The following LHFPL6 variants were observed in gnomAD, a reference collection of about 807,000 sequenced individuals.
LHFPL6 encodes the protein LHFPL tetraspan subfamily member 6.
In LHFPL6, 9 loss-of-function variants were observed where a neutral mutation model predicts 20.6. The observed-to-expected ratio is 0.44, with a 90% CI of 0.26 to 0.76. The LOEUF is 0.76. Among genes scored for constraint, LHFPL6 ranks in the 30% least tolerant of loss-of-function variants. The pLI is 0.20. For synonymous variants in LHFPL6, 105 were observed against 98.7 expected, an observed-to-expected ratio of 1.06 and a Z score of -0.38; for missense variants, 218 against 253.5, an observed-to-expected ratio of 0.86 and a Z score of 0.95.
At chr13:39,547,642 T>C (rs1286303516) in intron 2 of LHFPL6, among the ~76,000 whole-genome samples, 2 of 152,174 alleles carry the variant, frequency 1.3e-5, no homozygotes, top group African/African-American at 4.8e-5. Context: ...TTGAGGATTC[T>C]GTGCTGCATG....
chr13:39,520,100 T>G (rs113221628), intron 2 of LHFPL6, among the ~76,000 whole-genome samples: 6 of 152,294 alleles, frequency 3.9e-5, no homozygotes, highest in African/African-American at 1.4e-4. Flanking sequence ...AGCAGCCTGG[T>G]CTTCAGAATC....
chr13:39,456,944 G>A (rs936559684), intron 2 of LHFPL6, among the ~76,000 whole-genome samples: 1 of 152,010 alleles, frequency 6.6e-6, no homozygotes, highest in Non-Finnish European at 1.5e-5. Flanking sequence ...CTACAGGCAT[G>A]AGCCACCACG....
intron 2 of LHFPL6, among the ~76,000 whole-genome samples, chr13:39,588,528 T>C (rs746250534): frequency 2.0e-5 from 3 of 152,248 alleles, no homozygotes; most frequent in Non-Finnish European, 2.9e-5. Context: ...TGCAGAATTA[T>C]TCAGAGCTTT....
At chr13:39,505,452 C>G (rs140473826) in intron 2 of LHFPL6, among the ~76,000 whole-genome samples, 45 of 151,600 alleles carry the variant, frequency 3.0e-4, no homozygotes, top group African/African-American at 9.9e-4. Flanking sequence ...GATTATGTTA[C>G]TTGGTGGAGG....
chr13:39,505,413 T>A (rs550350262), intron 2 of LHFPL6, among the ~76,000 whole-genome samples: 1 of 151,728 alleles, frequency 6.6e-6, no homozygotes, highest in East Asian at 1.9e-4. Flanking sequence ...CCAGAGGAGG[T>A]TGAGTGACAA....
intron 2 of LHFPL6, among the ~76,000 whole-genome samples, chr13:39,569,734 A>G (rs187263671): frequency 1.3e-5 from 2 of 152,360 alleles, no homozygotes; most frequent in Admixed American, 6.5e-5. Context: ...TATTCAAACT[A>G]TTGAAAAATT....
rs190758213 is a variant in LHFPL6, at chr13:39,424,547, T to A, written c.386-46021A>T. 3.9e-5 allele frequency among the ~76,000 whole-genome samples: 6 copies of A among 152,242 alleles called. No individual in the cohort carries two copies. The East Asian group carries it at 7.7e-4, about 20-fold the overall frequency. On this transcript the variant is annotated intron_variant, in intron 2 of 3. Coordinates refer to ENST00000379589, the MANE Select transcript of LHFPL6 (RefSeq NM_005780.3). ...AGAAGGGCACCCGAGTAAAGGAAATTGCAAAGTGGAGCTACAGAAAAATTT... is the reference window on the plus strand; with the variant it reads ...AGAAGGGCACCCGAGTAAAGGAAATAGCAAAGTGGAGCTACAGAAAAATTT...
At chr13:39,485,279 T>C (rs1868687609) in intron 2 of LHFPL6, among the ~76,000 whole-genome samples, 1 of 152,192 alleles carries the variant, frequency 6.6e-6, no homozygotes, top group African/African-American at 2.4e-5. Flanking sequence ...AAACAATGCC[T>C]TAGAGGCATT....
rs1011051942 is a variant in LHFPL6, at chr13:39,450,709, G to A, written c.386-72183C>T. Reference sequence around the variant, plus strand: ...TGGGGTTTTGGTAGGTCTGAACCAAGTGAATTCCGTTTCTGTAGGTCAAAA... The same window carrying A: ...TGGGGTTTTGGTAGGTCTGAACCAAATGAATTCCGTTTCTGTAGGTCAAAA... On this transcript the variant is annotated intron_variant, in intron 2 of 3. Coordinates refer to ENST00000379589, the MANE Select transcript of LHFPL6 (RefSeq NM_005780.3). 2.6e-5 allele frequency among the ~76,000 whole-genome samples: 4 copies of A among 152,276 alleles called. No individual in the cohort carries two copies. The South Asian group carries it at 8.3e-4, about 32-fold the overall frequency.
intron 2 of LHFPL6, among the ~76,000 whole-genome samples, chr13:39,463,035 C>T (rs1236183044): frequency 1.3e-5 from 2 of 152,170 alleles, no homozygotes; most frequent in Admixed American, 6.5e-5. Context: ...CTGAGGGAAC[C>T]GCATGGCTGT....
chr13:39,457,162 T>C (rs1872591500), intron 2 of LHFPL6, among the ~76,000 whole-genome samples: 1 of 152,106 alleles, frequency 6.6e-6, no homozygotes, highest in Non-Finnish European at 1.5e-5. Context: ...TTTATCAAAA[T>C]GAAAAATCTT....
intron 2 of LHFPL6, among the ~76,000 whole-genome samples, chr13:39,568,991 T>G (rs927056849): frequency 6.6e-6 from 1 of 152,202 alleles, no homozygotes. Context: ...TTTCCCATAT[T>G]GGTTTGCATT....
In LHFPL6 at chr13:39,343,096, A is replaced by C. The variant is rs560761855; in HGVS notation, c.*840T>G. The C allele has an allele frequency of 1.8e-4, 36 of 202,352 alleles. No homozygotes were observed. Among genetic ancestry groups the C allele is most frequent in the African/African-American group, 7.8e-4 (34 of 43,776 alleles). The allele number at this position is 202,352 out of a possible 1,614,324, so 12.5% of individuals were successfully genotyped here. A position where few individuals can be genotyped will look rare whatever the true frequency, so the allele number is the denominator to read the frequency against. On this transcript the variant is annotated 3_prime_UTR_variant, in exon 4 of 4. Coordinates refer to ENST00000379589, the MANE Select transcript of LHFPL6 (RefSeq NM_005780.3). ...GAATTCTCTCCTATAGTGGACAGAA[A>C]GTTGCCCCTTTTCTTCATAAGAATA...
chr13:39,531,480 C>T (rs898449868), intron 2 of LHFPL6, among the ~76,000 whole-genome samples: 1 of 152,108 alleles, frequency 6.6e-6, no homozygotes, highest in African/African-American at 2.4e-5. Context: ...CTTTGGGGGT[C>T]TCATGAGATT....
chr13:39,356,998 C>T (rs183204241), intron 3 of LHFPL6, among the ~76,000 whole-genome samples: 1 of 152,220 alleles, frequency 6.6e-6, no homozygotes, highest in East Asian at 1.9e-4. Context: ...GGTGAAACCC[C>T]ATCTTTATTA....
intron 2 of LHFPL6, among the ~76,000 whole-genome samples, chr13:39,412,705 A>G (rs1871260956): frequency 6.6e-6 from 1 of 152,166 alleles, no homozygotes; most frequent in Non-Finnish European, 1.5e-5. Flanking sequence ...CGGGTGGATC[A>G]CGAGGTCAGG....
At chr13:39,575,636 G>A (rs770123119) in intron 2 of LHFPL6, among the ~76,000 whole-genome samples, 96 of 152,158 alleles carry the variant, frequency 6.3e-4, no homozygotes, top group Admixed American at 2.3e-3. Flanking sequence ...TCAACTAAAG[G>A]AAAAGAAGCA....
At chr13:39,397,075 G>T (rs75517007) in intron 2 of LHFPL6, among the ~76,000 whole-genome samples, 279 of 151,842 alleles carry the variant, frequency 1.8e-3, no homozygotes, top group African/African-American at 6.0e-3. Flanking sequence ...ACCAGCCCTA[G>T]GAAACTAAAA....
intron 2 of LHFPL6, among the ~76,000 whole-genome samples, chr13:39,394,470 A>G (rs1044211223): frequency 2.6e-5 from 4 of 152,226 alleles, no homozygotes; most frequent in African/African-American, 9.6e-5. Context: ...GGCAGCCTCA[A>G]GATGATCTAA....
Sources: gnomAD v4.1 joint callset for allele counts (sites outside exome capture counted in the v4.1 genomes callset) on GRCh38, gnomAD v4.1.1 for gene constraint, MANE v1.5 for transcripts, NCBI Gene and HGNC (gene_info 2026-07-23, HGNC 2026-07-21) for gene names.